SPAG17: variants seen among roughly 807,000 people sequenced by gnomAD.
SPAG17 encodes the protein sperm associated antigen 17.
SPAG17 carries 169 observed loss-of-function variants against 273.6 expected under a neutral mutation model. The observed-to-expected ratio is 0.62, with a 90% CI of 0.55 to 0.70. SPAG17 has a LOEUF of 0.70. Ranked by LOEUF, SPAG17 falls within the 30% of genes least tolerant of loss-of-function variation. The probability of loss-of-function intolerance (pLI) is 0.00; values close to 1 mark genes in which losing one functional copy is unlikely to be tolerated. For synonymous variants in SPAG17, 825 were observed against 873.2 expected, an observed-to-expected ratio of 0.94 and a Z score of 0.97; for missense variants, 2,557 against 2,627.8, an observed-to-expected ratio of 0.97 and a Z score of 0.59.
At chr1:118,100,509 C>T (rs1655995764) in intron 5 of SPAG17, among the ~76,000 whole-genome samples, 2 of 152,126 alleles carry the variant, frequency 1.3e-5, no homozygotes, top group African/African-American at 4.8e-5. Flanking sequence ...AAAAGCACTA[C>T]ATTTCACAAA....
chr1:117,957,192 C>G (rs770550642), intron 48 of SPAG17: 1 of 1,610,444 alleles, frequency 6.2e-7, no homozygotes. Flanking sequence ...CTTCTTCCTC[C>G]TTAGGTAACA....
At chr1:118,136,796 T>G (rs918751855) in intron 3 of SPAG17, among the ~76,000 whole-genome samples, 1 of 98,370 alleles carries the variant, frequency 1.0e-5, no homozygotes, top group African/African-American at 3.9e-5. Context: ...AGTGTGTGTG[T>G]GTGTATGTGT....
intron 34 of SPAG17, 97 bp downstream of exon 34, chr1:117,996,273 C>G: frequency 7.1e-7 from 1 of 1,399,184 alleles, no homozygotes; most frequent in Middle Eastern, 1.9e-4. Context: ...GTGAGCAAAG[C>G]GGAAAAAGTA....
intron 48 of SPAG17, chr1:117,960,109 CGTGTGTGTGTGTGTGTGTGTGTGT>C (rs3059173): frequency 1.4e-5 from 2 of 144,406 alleles, no homozygotes; most frequent in African/African-American, 2.6e-5. Context: ...TTAATACACT[CGTGTGTGTGTGTGTGTGTGTGTGT>C]GTGTGTGTGT....
chr1:118,081,672 A>C, intron 13 of SPAG17, 30 bp from the exon 14 acceptor site: 1 of 1,567,056 alleles, frequency 6.4e-7, no homozygotes. Context: ...GTGCTGCTGG[A>C]AATGTTCTTA....
chr1:117,962,963 C>T, intron 48 of SPAG17: 1 of 152,228 alleles, frequency 6.6e-6, no homozygotes, highest in Admixed American at 6.5e-5. Context: ...CAGTTACTGT[C>T]TGCAATCCAC....
intron 36 of SPAG17, among the ~76,000 whole-genome samples, chr1:117,991,943 A>C (rs920513938): frequency 6.6e-6 from 1 of 152,200 alleles, no homozygotes; most frequent in Non-Finnish European, 1.5e-5. Flanking sequence ...TTTTTTTCAT[A>C]AGTATTTGAT....
intron 31 of SPAG17, among the ~76,000 whole-genome samples, chr1:118,006,318 C>T (rs1311386476): frequency 1.3e-5 from 2 of 152,202 alleles, no homozygotes; most frequent in African/African-American, 4.8e-5. Flanking sequence ...TATACCTATT[C>T]TAGATACTTC....
rs747814034 is a variant in SPAG17, at chr1:118,097,714, T to C, written c.967A>G (p.Lys323Glu). 1 of 1,610,084 alleles carries C rather than the reference T, an allele frequency of 6.2e-7. No homozygotes were observed. Among genetic ancestry groups the C allele is most frequent in the South Asian group, 1.1e-5 (1 of 90,186 alleles). The change falls in exon 7 of 49, where the codon AAA becomes GAA. Residue 323 changes from lysine to glutamate, a missense_variant. By Grantham distance (56) the Lys-to-Glu change is moderately conservative. Coordinates refer to ENST00000336338, the MANE Select transcript of SPAG17 (RefSeq NM_206996.4). ...FDVARLEYMV[K>E]AADFPSDWSD... is the part of the protein sequence containing the mutation. ...CAGTCAGAAGGAAAATCAGCTGCTT[T>C]GACCATGTACTCAAGTCGAGCAACA...
At chr1:118,049,686 AG>A (rs1430033854) in intron 20 of SPAG17, among the ~76,000 whole-genome samples, 3 of 152,220 alleles carry the variant, frequency 2.0e-5, no homozygotes, top group Non-Finnish European at 2.9e-5. Context: ...TAAAATTTGT[AG>A]GGAATCACCA....
chr1:118,153,683 C>G (rs760600829), intron 1 of SPAG17, among the ~76,000 whole-genome samples: 1 of 152,046 alleles, frequency 6.6e-6, no homozygotes. Flanking sequence ...CCCATCTCTA[C>G]TAAAAGATAC....
intron 1 of SPAG17, among the ~76,000 whole-genome samples, chr1:118,159,948 G>A (rs1206351308): frequency 6.6e-6 from 1 of 152,116 alleles, no homozygotes; most frequent in Non-Finnish European, 1.5e-5. Context: ...TTATGGCTTG[G>A]AGCAAAATCT....
At chr1:117,983,283 C>T (rs752176259) in intron 42 of SPAG17, among the ~76,000 whole-genome samples, 1 of 152,124 alleles carries the variant, frequency 6.6e-6, no homozygotes, top group Non-Finnish European at 1.5e-5. Flanking sequence ...ATTCAATTAC[C>T]TCCCACCAGG....
At chr1:118,149,455 C>A (rs1270407479) in intron 3 of SPAG17, among the ~76,000 whole-genome samples, 1 of 152,136 alleles carries the variant, frequency 6.6e-6, no homozygotes, top group Non-Finnish European at 1.5e-5. Flanking sequence ...AGAAAAATTC[C>A]AGTATTTTAA....
chr1:118,096,132 A>G (rs954809897), intron 7 of SPAG17, among the ~76,000 whole-genome samples: 2 of 152,202 alleles, frequency 1.3e-5, no homozygotes, highest in South Asian at 2.1e-4. Context: ...TTATAACTCA[A>G]ACTGATCTCT....
At chr1:118,082,647 T>C (rs1214222495) in intron 13 of SPAG17, among the ~76,000 whole-genome samples, 4 of 152,108 alleles carry the variant, frequency 2.6e-5, no homozygotes, top group African/African-American at 7.2e-5. Context: ...ATTCTAGTCG[T>C]TGGAAACAGA....
At chr1:118,039,996 A>T (rs935509652) in intron 22 of SPAG17, among the ~76,000 whole-genome samples, 1 of 152,182 alleles carries the variant, frequency 6.6e-6, no homozygotes, top group African/African-American at 2.4e-5. Context: ...GTATGCCTAT[A>T]ATCAATGTTA....
At chr1:118,001,334 T>C (rs868036544) in intron 32 of SPAG17, among the ~76,000 whole-genome samples, 9 of 152,346 alleles carry the variant, frequency 5.9e-5, no homozygotes, top group African/African-American at 1.2e-4. Flanking sequence ...GTTGGCCTCA[T>C]AAAACAAGTT....
At chr1:118,023,225 T>C (rs1037946184) in intron 28 of SPAG17, 79 bp downstream of exon 28, 4 of 986,012 alleles carry the variant, frequency 4.1e-6, no homozygotes, top group Admixed American at 5.8e-5. Flanking sequence ...AGTATTATAA[T>C]AATAATAATA....
Sources: allele counts gnomAD v4.1 joint callset (sites outside exome capture counted in the v4.1 genomes callset), GRCh38; gene constraint gnomAD v4.1.1; transcripts MANE v1.5; gene names NCBI Gene and HGNC (gene_info 2026-07-23, HGNC 2026-07-21).